The following SYNDIG1 variants were observed in gnomAD, a reference collection of about 807,000 sequenced individuals.
SYNDIG1 encodes the protein synapse differentiation-inducing gene protein 1.
In SYNDIG1, 9 loss-of-function variants were observed where a neutral mutation model predicts 19.4. That is an observed-to-expected ratio of 0.46 (90% CI 0.28 to 0.81). The LOEUF is 0.81. Ranked by LOEUF, SYNDIG1 falls within the 30% of genes least tolerant of loss-of-function variation. SYNDIG1 has a pLI of 0.12. For synonymous variants in SYNDIG1, 141 were observed against 145.9 expected (o/e 0.97, Z 0.24); for missense variants, 311 against 343.3 (o/e 0.91, Z 0.74).
At chr20:24,480,011 G>C (rs115822278) in intron 1 of SYNDIG1, among the ~76,000 whole-genome samples, 1 of 152,112 alleles carries the variant, frequency 6.6e-6, no homozygotes, top group Non-Finnish European at 1.5e-5. Context: ...ACGTGCACGC[G>C]CGCACGCACA....
chr20:24,557,933 G>T (rs1010381377), intron 2 of SYNDIG1, among the ~76,000 whole-genome samples: 1 of 152,210 alleles, frequency 6.6e-6, no homozygotes, highest in African/African-American at 2.4e-5. Context: ...TGGCTGCCTC[G>T]CCGGAAGAGG....
chr20:24,522,049 C>G (rs1416735886), intron 1 of SYNDIG1, among the ~76,000 whole-genome samples: 1 of 152,028 alleles, frequency 6.6e-6, no homozygotes, highest in Non-Finnish European at 1.5e-5. Flanking sequence ...TATTGCCATA[C>G]CCTGACAGCT....
chr20:24,492,251 C>T (rs925404647), intron 1 of SYNDIG1, among the ~76,000 whole-genome samples: 2 of 152,198 alleles, frequency 1.3e-5, no homozygotes, highest in Admixed American at 6.5e-5. Context: ...AGGGTTGGGG[C>T]TCTGCCAAGT....
intron 1 of SYNDIG1, among the ~76,000 whole-genome samples, chr20:24,487,829 T>A (rs2056011589): frequency 6.6e-6 from 1 of 152,122 alleles, no homozygotes; most frequent in African/African-American, 2.4e-5. Context: ...GGATCTGGAT[T>A]TGGACTGACC....
intron 2 of SYNDIG1, among the ~76,000 whole-genome samples, chr20:24,573,466 C>T (rs1171993065): frequency 1.3e-5 from 2 of 152,162 alleles, no homozygotes; most frequent in Non-Finnish European, 2.9e-5. Flanking sequence ...CTTCACAAGG[C>T]CTGAAGTCCA....
At chr20:24,550,879 A>G (rs1337531479) in intron 2 of SYNDIG1, among the ~76,000 whole-genome samples, 2 of 152,206 alleles carry the variant, frequency 1.3e-5, no homozygotes, top group East Asian at 3.8e-4. Flanking sequence ...GTCGTGGTTT[A>G]TAATCCTCTT....
chr20:24,634,469 A>G (rs1034263096), intron 3 of SYNDIG1, among the ~76,000 whole-genome samples: 5 of 152,232 alleles, frequency 3.3e-5, no homozygotes, highest in Non-Finnish European at 5.9e-5. Context: ...CTTCTCCTCC[A>G]GAAGTCCGTA....
At chr20:24,592,196 C>T (rs1204885995) in intron 3 of SYNDIG1, among the ~76,000 whole-genome samples, 1 of 152,196 alleles carries the variant, frequency 6.6e-6, no homozygotes, top group Non-Finnish European at 1.5e-5. Flanking sequence ...ATAAGATGCT[C>T]TGCAAATTCT....
At chr20:24,623,364 A>T (rs891678874) in intron 3 of SYNDIG1, among the ~76,000 whole-genome samples, 10 of 152,246 alleles carry the variant, frequency 6.6e-5, no homozygotes, top group African/African-American at 1.9e-4. Context: ...GATGGAATTC[A>T]TTGCCAGCAG....
intron 1 of SYNDIG1, among the ~76,000 whole-genome samples, chr20:24,492,194 T>C (rs1442151116): frequency 2.0e-5 from 3 of 152,122 alleles, no homozygotes; most frequent in African/African-American, 4.8e-5. Flanking sequence ...CCCCTTGGAA[T>C]GTGCCCCCCA....
At chr20:24,552,659 A>G in intron 2 of SYNDIG1, among the ~76,000 whole-genome samples, 1 of 152,146 alleles carries the variant, frequency 6.6e-6, no homozygotes, top group Non-Finnish European at 1.5e-5. Flanking sequence ...TTATGGCTGC[A>G]TAGTATTGCA....
At chr20:24,471,593 G>A (rs1292667965) in intron 1 of SYNDIG1, among the ~76,000 whole-genome samples, 25 of 131,018 alleles carry the variant, frequency 1.9e-4, no homozygotes, top group Non-Finnish European at 3.5e-4. Flanking sequence ...ATAATCAAGA[G>A]GGCCTTGTTA....
At position 24,558,940 on chromosome 20, in the gene SYNDIG1, A is replaced by C. The variant is rs528499288; in HGVS notation, c.480+15363A>C. On this transcript the variant is annotated intron_variant, in intron 2 of 3. Transcript: ENST00000376862. ...TCTTTTAAAAATTATAACAAGGAAA[A>C]ACAGTTTGGAGGTTTCTCAAAGAAC... Among the ~76,000 whole-genome samples the C allele has an allele frequency of 2.4e-4, 36 of 152,328 alleles. 1 individual carries two copies. Among genetic ancestry groups the C allele is most frequent in the Middle Eastern group, 3.4e-3 (1 of 294 alleles).
At chr20:24,529,507 G>C (rs1424583865) in intron 1 of SYNDIG1, among the ~76,000 whole-genome samples, 1 of 152,192 alleles carries the variant, frequency 6.6e-6, no homozygotes, top group Non-Finnish European at 1.5e-5. Context: ...AGAAGCCATA[G>C]ACATATGTGC....
At chr20:24,550,624 T>A (rs926634636) in intron 2 of SYNDIG1, among the ~76,000 whole-genome samples, 2 of 151,972 alleles carry the variant, frequency 1.3e-5, no homozygotes, top group African/African-American at 4.8e-5. Flanking sequence ...TTCTCCTGCC[T>A]CAGCCTCCCG....
At chr20:24,526,489 T>C (rs1246703281) in intron 1 of SYNDIG1, among the ~76,000 whole-genome samples, 1 of 152,196 alleles carries the variant, frequency 6.6e-6, no homozygotes, top group African/African-American at 2.4e-5. Flanking sequence ...GAATCTTAGC[T>C]CACCTCCTGA....
At chr20:24,650,151 G>T (rs1318224629) in intron 3 of SYNDIG1, among the ~76,000 whole-genome samples, 1 of 152,206 alleles carries the variant, frequency 6.6e-6, no homozygotes, top group Non-Finnish European at 1.5e-5. Flanking sequence ...CTCTGTGAGT[G>T]TGCGTCTGTT....
At chr20:24,582,116 G>A (rs1303358221) in intron 2 of SYNDIG1, among the ~76,000 whole-genome samples, 5 of 82,426 alleles carry the variant, frequency 6.1e-5, no homozygotes, top group East Asian at 3.9e-4. Context: ...CCCCATGTAC[G>A]TCCTCCCCCT....
intron 1 of SYNDIG1, among the ~76,000 whole-genome samples, chr20:24,523,023 A>G (rs933326470): frequency 1.3e-5 from 2 of 152,172 alleles, no homozygotes; most frequent in African/African-American, 4.8e-5. Flanking sequence ...TCACATTTCA[A>G]TATGAGATTT....
Sources: gnomAD v4.1 joint callset for allele counts (sites outside exome capture counted in the v4.1 genomes callset) on GRCh38, gnomAD v4.1.1 for gene constraint, MANE v1.5 for transcripts, NCBI Gene and HGNC (gene_info 2026-07-23, HGNC 2026-07-21) for gene names.